Variants in STARD3 observed in about 807,000 individuals in gnomAD.
The protein encoded by STARD3 is stAR-related lipid transfer protein 3.
STARD3 carries 39 observed loss-of-function variants against 62.0 expected under a neutral mutation model. The ratio of observed to expected loss-of-function variants is 0.63; its 90% confidence interval spans 0.49 to 0.82. The LOEUF (loss-of-function observed/expected upper bound fraction) is 0.82, where lower values mean the gene tolerates loss of function less well. STARD3 is among the 40% of genes least tolerant of loss of function. The pLI is 0.00. For synonymous variants in STARD3, 229 were observed against 242.4 expected, an observed-to-expected ratio of 0.94 and a Z score of 0.51; for missense variants, 543 against 584.5, an observed-to-expected ratio of 0.93 and a Z score of 0.73.
rs753782577 is a variant in STARD3, at chr17:39,653,594, C to T, written c.63C>T (p.Ser21=). Reference sequence around the variant, plus strand: ...AGCGCAGCCTGCCTGCCGTGGCCTCCCTGGGCTCCTCACTGTCCCACAGCC... The same window carrying T: ...AGCGCAGCCTGCCTGCCGTGGCCTCTCTGGGCTCCTCACTGTCCCACAGCC... ...DLERSLPAVA[S]LGSSLSHSQS... is the part of the protein sequence containing the mutation. Residue 21 remains serine, a synonymous_variant, in exon 2 of 15, where the codon TCC becomes TCT. Transcript: ENST00000336308. The T allele has an allele frequency of 3.1e-6, 5 of 1,611,976 alleles. No individual in the cohort carries two copies. In the South Asian group the frequency reaches 4.4e-5, roughly 14 times the overall value.
At chr17:39,646,575 G>A (rs554064749) in intron 1 of STARD3, among the ~76,000 whole-genome samples, 1 of 152,186 alleles carries the variant, frequency 6.6e-6, no homozygotes, top group Non-Finnish European at 1.5e-5. Context: ...TTTTAATGCA[G>A]CTGAGGAAAC....
In STARD3 at chr17:39,663,297, C is replaced by G; in HGVS notation, c.*389C>G. 2.6e-6 allele frequency: 1 copy of G among 389,646 alleles called. No individual in the cohort carries two copies. Among genetic ancestry groups the G allele is most frequent in the East Asian group, 3.6e-5 (1 of 27,484 alleles). 24.1% of individuals were successfully genotyped at this position (389,646 alleles called of 1,614,324 possible). Reference sequence around the variant, plus strand: ...GATGAAGGGGCTCTTCATCTGCCTGCGCTCTCGTCGGTTTTTTTAGGATTA... The same window carrying G: ...GATGAAGGGGCTCTTCATCTGCCTGGGCTCTCGTCGGTTTTTTTAGGATTA... On this transcript the variant is annotated 3_prime_UTR_variant, in exon 15 of 15. Coordinates refer to ENST00000336308, the MANE Select transcript of STARD3 (RefSeq NM_006804.4).
intron 1 of STARD3, among the ~76,000 whole-genome samples, chr17:39,642,815 T>C (rs576979654): frequency 1.9e-4 from 29 of 152,168 alleles, no homozygotes; most frequent in African/African-American, 6.5e-4. Context: ...GAGCAAGTCA[T>C]GCAAAGACCT....
At position 39,661,015 on chromosome 17, in the gene STARD3, A is replaced by G; in HGVS notation, c.1069A>G (p.Arg357Gly). Residue 357 changes from arginine (R) to glycine (G), a missense_variant, in exon 13 of 15, where the codon AGG becomes GGG. Coordinates refer to ENST00000336308, the MANE Select transcript of STARD3 (RefSeq NM_006804.4). ...GAATGTCCGGCGCATTGAGCGGCGC[A>G]GGGACCGATACTTGTCATCAGGGAT... ...FVNVRRIERR[R>G]DRYLSSGIAT... 3 of 1,613,772 alleles carry G rather than the reference A, an allele frequency of 1.9e-6. No individual in the cohort carries two copies. Among genetic ancestry groups the G allele is most frequent in the Non-Finnish European group, 1.7e-6 (2 of 1,180,018 alleles).
chr17:39,646,976 C>T (rs1037372288), intron 1 of STARD3, among the ~76,000 whole-genome samples: 6 of 152,066 alleles, frequency 3.9e-5, no homozygotes, highest in South Asian at 4.2e-4. Context: ...CCGAGGTGGG[C>T]GGATCACAAG....
At chr17:39,640,732 G>A (rs1284887565) in intron 1 of STARD3, among the ~76,000 whole-genome samples, 1 of 152,154 alleles carries the variant, frequency 6.6e-6, no homozygotes, top group East Asian at 1.9e-4. Flanking sequence ...TGATTCACAG[G>A]GCCTGGCACA....
intron 1 of STARD3, among the ~76,000 whole-genome samples, chr17:39,648,580 G>A (rs1308832925): frequency 1.3e-5 from 2 of 152,190 alleles, no homozygotes; most frequent in Admixed American, 1.3e-4. Flanking sequence ...GTTGCCCGGA[G>A]ACTGGGGTAC....
chr17:39,658,372 C>G, intron 5 of STARD3, 33 bp from the exon 6 acceptor site: 1 of 1,596,774 alleles, frequency 6.3e-7, no homozygotes, highest in Non-Finnish European at 8.6e-7. Flanking sequence ...TGGGGTGACC[C>G]CTGCCATGGA....
rs927186903 is a variant in STARD3 at position 39,664,173 on chromosome 17, T to C, written c.*1265T>C. On this transcript the variant is annotated 3_prime_UTR_variant, in exon 15 of 15. Transcript: ENST00000336308. ...AATGGGACTGATGTCACAGGGTTGT[T>C]ATGAGATTAAAAGATATGAAGAACC... 1 of 152,362 alleles carries C rather than the reference T, an allele frequency of 6.6e-6. No individual in the cohort carries two copies. Among genetic ancestry groups the C allele is most frequent in the Non-Finnish European group, 1.5e-5 (1 of 68,048 alleles). 9.4% of individuals were successfully genotyped at this position (152,362 alleles called of 1,614,324 possible).
chr17:39,660,951 T>C lies in STARD3; in HGVS notation c.1035-30T>C. ...CTTCTGCACTTTGGCCTTGGGTCAT[T>C]GTCCCCTGAACTAACCCTCCCTCCC... is the stretch of plus-strand genomic sequence containing the variant. On this transcript the variant is annotated intron_variant, in intron 12 of 14. Transcript: ENST00000336308. This position sits in a 1 kb window ranked among gnomAD's most constrained non-coding sequence, Gnocchi z 4.8. 1 of 1,611,970 alleles carries C rather than the reference T, an allele frequency of 6.2e-7. No individual in the cohort carries two copies. The highest frequency in any genetic ancestry group is 8.5e-7 in the Non-Finnish European group (1 of 1,178,574).
At chr17:39,650,935 C>T (rs2057072334) in intron 1 of STARD3, among the ~76,000 whole-genome samples, 1 of 152,228 alleles carries the variant, frequency 6.6e-6, no homozygotes. Flanking sequence ...AAAGGGCTGT[C>T]AGAGGCAGGG....
Position 39,657,789 on chromosome 17 carries a change from C to A in STARD3, c.312C>A (p.Phe104Leu). The stretch of plus-strand genomic sequence containing the variant: ...TCCCCCACCAGGTCCTGGCCTTCTT[C>A]CGCTTCTCTGGACTGCTCCTAGGCT... ...SFFDIFVLAF[F>L]RFSGLLLGYA... The change falls in exon 4 of 15, where the codon TTC becomes TTA. Residue 104 changes from phenylalanine (F) to leucine (L), a missense_variant. Phe to Leu is a conservative substitution (Grantham distance 22). Transcript: ENST00000336308. 1 of 1,614,196 alleles carries A rather than the reference C, an allele frequency of 6.2e-7. No homozygotes were observed. The highest frequency in any genetic ancestry group is 8.5e-7 in the Non-Finnish European group (1 of 1,180,024).
intron 5 of STARD3, 73 bp downstream of exon 5, chr17:39,658,099 C>G: frequency 6.7e-7 from 1 of 1,491,280 alleles, no homozygotes; most frequent in Non-Finnish European, 9.1e-7. Flanking sequence ...AGGAGCATTT[C>G]TCTAATTTGG....
Position 39,657,081 on chromosome 17 carries a change from T to C in STARD3, c.293T>C (p.Ile98Thr), listed in dbSNP as rs765867336. 6.2e-7 allele frequency: 1 copy of C among 1,614,020 alleles called. No homozygotes were observed. The highest frequency in any genetic ancestry group is 2.2e-5 in the East Asian group (1 of 44,862). ...QYNFKTSFFDIFVLAFFRFSG... is the reference protein window; with the variant it reads ...QYNFKTSFFDTFVLAFFRFSG... ...AACTTTAAAACTTCCTTCTTCGACA[T>C]CTTTGTGAGTGGCCTTGGCTGATCC... Residue 98 changes from isoleucine (I) to threonine (T), a missense_variant, in exon 3 of 15, where the codon ATC (isoleucine) becomes ACC (threonine). Ile to Thr is a moderately conservative substitution (Grantham distance 89). Coordinates refer to ENST00000336308, the MANE Select transcript of STARD3 (RefSeq NM_006804.4).
intron 1 of STARD3, among the ~76,000 whole-genome samples, chr17:39,644,870 C>T (rs533658131): frequency 4.7e-5 from 7 of 149,670 alleles, no homozygotes; most frequent in African/African-American, 1.5e-4. Context: ...AAAAAAAAAT[C>T]GCAGACTTGC....
rs747845057 is a variant in STARD3, at chr17:39,663,308, G to GT, written c.*407dup. The GT allele has an allele frequency of 8.5e-5, 32 of 377,032 alleles. No homozygotes were observed. In the East Asian group the frequency reaches 9.5e-4, roughly 11 times the overall value. The allele number at this position is 377,032 out of a possible 1,614,324, so 23.4% of individuals were successfully genotyped here. A position where few individuals can be genotyped will look rare whatever the true frequency, so the allele number is the denominator to read the frequency against. ...TCTTCATCTGCCTGCGCTCTCGTCG[G>GT]TTTTTTTAGGATTATTGAAAGAGTC... On this transcript the variant is annotated 3_prime_UTR_variant, in exon 15 of 15. Transcript: ENST00000336308.
rs912148738 is a variant in STARD3 at position 39,663,887 on chromosome 17, C to T, written c.*979C>T. 3.9e-5 allele frequency among the ~76,000 whole-genome samples: 6 copies of T among 152,106 alleles called. No individual in the cohort carries two copies. The highest frequency in any genetic ancestry group is 8.8e-5 in the Non-Finnish European group (6 of 68,008). On this transcript the variant is annotated 3_prime_UTR_variant, in exon 15 of 15. Coordinates refer to ENST00000336308, the MANE Select transcript of STARD3 (RefSeq NM_006804.4). ...ATCCAGGCCACCTGGAGCCCCGGAC[C>T]TCCCAGACTCCACTCACCCATTCCC...
At chr17:39,659,732 G>A (rs2057174166) in intron 9 of STARD3, 179 bp downstream of exon 9, 1 of 589,502 alleles carries the variant, frequency 1.7e-6, no homozygotes, top group Admixed American at 3.4e-5. Context: ...TTTCCCCCGT[G>A]CCCCTTGGCC....
chr17:39,659,371 C>A, intron 8 of STARD3, 90 bp from the exon 9 acceptor site: 1 of 1,311,902 alleles, frequency 7.6e-7, no homozygotes, highest in Non-Finnish European at 1.1e-6. Flanking sequence ...CTCTGGGAAG[C>A]ATGTGGTATG....
Sources: gnomAD v4.1 joint callset for allele counts (sites outside exome capture counted in the v4.1 genomes callset) on GRCh38, gnomAD v4.1.1 for gene constraint, Gnocchi (gnomAD v3.1) non-coding constraint, MANE v1.5 for transcripts, NCBI Gene and HGNC (gene_info 2026-07-23, HGNC 2026-07-21) for gene names.